Variants in BBS9 observed in about 807,000 individuals in gnomAD.
The protein encoded by BBS9 is protein PTHB1.
A neutral mutation model predicts 117.7 loss-of-function variants in BBS9; 89 were observed. That is an observed-to-expected ratio of 0.76 (90% CI 0.64 to 0.90). The LOEUF (loss-of-function observed/expected upper bound fraction) is 0.90. BBS9 is among the 40% of genes least tolerant of loss of function. The pLI, the probability that BBS9 is intolerant of heterozygous loss-of-function variation, is 0.00. For missense variants in BBS9, 982 were observed against 1,042.2 expected (o/e 0.94, Z 0.80); for synonymous variants, 379 against 370.9 (o/e 1.02, Z -0.25).
At chr7:33,289,040 G>T (rs1198954543) in intron 9 of BBS9, among the ~76,000 whole-genome samples, 1 of 152,138 alleles carries the variant, frequency 6.6e-6, no homozygotes, top group East Asian at 1.9e-4. Context: ...CATATTGCTA[G>T]AAGTCCCAAC....
chr7:33,634,549 G>A (rs6972065), intron 21 of BBS9, among the ~76,000 whole-genome samples: 147,917 of 152,290 alleles, frequency 0.97, 71,934 homozygotes, highest in East Asian at 1. Context: ...CTTTCCACAG[G>A]CACCCTGTCA....
At chr7:33,477,744 A>G (rs951057217) in intron 19 of BBS9, among the ~76,000 whole-genome samples, 1 of 152,206 alleles carries the variant, frequency 6.6e-6, no homozygotes, top group Non-Finnish European at 1.5e-5. Flanking sequence ...CCATAGATAT[A>G]TTATTGACCA....
chr7:33,476,043 G>A (rs1841756779), intron 19 of BBS9, among the ~76,000 whole-genome samples: 2 of 152,174 alleles, frequency 1.3e-5, no homozygotes, highest in Non-Finnish European at 2.9e-5. Context: ...TCAGTTAAAG[G>A]TGACATCTGT....
chr7:33,188,115 G>A (rs1326346272), intron 5 of BBS9, among the ~76,000 whole-genome samples: 1 of 42,686 alleles, frequency 2.3e-5, no homozygotes, highest in Non-Finnish European at 5.8e-5. Flanking sequence ...TGTGTGTGGC[G>A]GGTGGGGGTG....
chr7:33,605,260 C>T lies in BBS9; in HGVS notation c.*34C>T, dbSNP rs763596626. 11 of 1,602,460 alleles carry T rather than the reference C, an allele frequency of 6.9e-6. No individual in the cohort carries two copies. The South Asian group carries it at 7.7e-5, about 11-fold the overall frequency. ...GAGTTGTTTGGTTGAGAGGAACATC[C>T]CCATCTCAAGGCCGAACCTGTGTGA... On this transcript the variant is annotated 3_prime_UTR_variant, in exon 23 of 23. Transcript: ENST00000242067.
chr7:33,444,678 A>G (rs1438412105), intron 19 of BBS9, among the ~76,000 whole-genome samples: 2 of 152,150 alleles, frequency 1.3e-5, no homozygotes, highest in African/African-American at 4.8e-5. Flanking sequence ...TGCTGCTTGG[A>G]TTTATGCCAG....
At chr7:33,534,356 T>C (rs2129059822) in intron 21 of BBS9, 180 bp downstream of exon 21, 1 of 678,416 alleles carries the variant, frequency 1.5e-6, no homozygotes, top group Non-Finnish European at 2.6e-6. Flanking sequence ...CCCTGAGATA[T>C]TTGCTTGCTA....
intron 19 of BBS9, among the ~76,000 whole-genome samples, chr7:33,466,950 G>A (rs1840255805): frequency 6.6e-6 from 1 of 152,006 alleles, no homozygotes; most frequent in Non-Finnish European, 1.5e-5. Context: ...AGCTTCCCAA[G>A]TATCAGGACC....
intron 5 of BBS9, among the ~76,000 whole-genome samples, chr7:33,184,155 A>G (rs570857461): frequency 6.6e-6 from 1 of 152,248 alleles, no homozygotes; most frequent in Non-Finnish European, 1.5e-5. Flanking sequence ...GGAGAAAAGC[A>G]TTGCCTGCAG....
At chr7:33,378,977 C>A (rs547056303) in intron 17 of BBS9, among the ~76,000 whole-genome samples, 1 of 152,194 alleles carries the variant, frequency 6.6e-6, no homozygotes. Context: ...TAACTTATGG[C>A]GGATAGGCTT....
At chr7:33,594,077 C>T (rs534669772) in intron 21 of BBS9, among the ~76,000 whole-genome samples, 94 of 152,186 alleles carry the variant, frequency 6.2e-4, no homozygotes, top group African/African-American at 1.9e-3. Context: ...TCTTAAATCC[C>T]GACTCTCTGA....
chr7:33,423,758 T>C (rs1173880062), intron 19 of BBS9, among the ~76,000 whole-genome samples: 1 of 152,106 alleles, frequency 6.6e-6, no homozygotes, highest in Non-Finnish European at 1.5e-5. Flanking sequence ...CTTCTTTCAG[T>C]ATGTTAATTT....
chr7:33,336,335 A>G (rs905513630), intron 9 of BBS9, 106 bp from the exon 10 acceptor site: 4 of 784,314 alleles, frequency 5.1e-6, no homozygotes, highest in Non-Finnish European at 8.6e-6. Context: ...ATATATAGTT[A>G]TTTTCTTAAT....
intron 19 of BBS9, among the ~76,000 whole-genome samples, chr7:33,440,101 G>T (rs1206985744): frequency 6.6e-6 from 1 of 152,048 alleles, no homozygotes; most frequent in East Asian, 1.9e-4. Context: ...TTGTGATCAT[G>T]GAAAAGACAC....
At chr7:33,349,398 C>T in intron 13 of BBS9, 1 of 543,476 alleles carries the variant, frequency 1.8e-6, no homozygotes, top group African/African-American at 1.9e-5. Flanking sequence ...TTTCTAGGTG[C>T]TTTTCTGAAC....
At chr7:33,267,909 T>C (rs1196890073) in intron 7 of BBS9, among the ~76,000 whole-genome samples, 1 of 152,186 alleles carries the variant, frequency 6.6e-6, no homozygotes, top group Non-Finnish European at 1.5e-5. Flanking sequence ...TGGTGACGAA[T>C]TTTTCATTTT....
At chr7:33,527,397 G>A (rs1278904986) in intron 20 of BBS9, among the ~76,000 whole-genome samples, 2 of 152,106 alleles carry the variant, frequency 1.3e-5, no homozygotes, top group African/African-American at 4.8e-5. Context: ...AGCAATCAGC[G>A]AGACTCCGTG....
At chr7:33,619,874 G>A (rs1451177197) in intron 21 of BBS9, among the ~76,000 whole-genome samples, 2 of 151,968 alleles carry the variant, frequency 1.3e-5, no homozygotes, top group South Asian at 2.1e-4. Context: ...AAAGTTTATA[G>A]CAATAAATGC....
intron 21 of BBS9, among the ~76,000 whole-genome samples, chr7:33,578,851 A>G (rs187085217): frequency 1.3e-5 from 2 of 152,324 alleles, no homozygotes; most frequent in East Asian, 3.9e-4. Context: ...TAGTTTTCCA[A>G]CTGGATTCAG....
Sources: allele counts gnomAD v4.1 joint callset (sites outside exome capture counted in the v4.1 genomes callset), GRCh38; gene constraint gnomAD v4.1.1; transcripts MANE v1.5; gene names NCBI Gene and HGNC (gene_info 2026-07-23, HGNC 2026-07-21).